Variants in SLC37A3 observed in about 807,000 individuals in gnomAD.
The protein encoded by SLC37A3 is solute carrier family 37 member 3, also known as sugar phosphate exchanger 3.
In SLC37A3, 51 loss-of-function variants were observed where a neutral mutation model predicts 67.1. The observed-to-expected ratio is 0.76, with a 90% CI of 0.61 to 0.96. The LOEUF (loss-of-function observed/expected upper bound fraction) is 0.96, where lower values mean the gene tolerates loss of function less well. Among genes scored for constraint, SLC37A3 ranks in the 40% least tolerant of loss-of-function variants. The probability of loss-of-function intolerance (pLI) is 0.00; values close to 1 mark genes in which losing one functional copy is unlikely to be tolerated. For synonymous variants in SLC37A3, 214 were observed against 231.4 expected, an observed-to-expected ratio of 0.92 and a Z score of 0.68; for missense variants, 508 against 603.0, an observed-to-expected ratio of 0.84 and a Z score of 1.65.
chr7:140,369,260 C>G (rs560020163), intron 4 of SLC37A3, among the ~76,000 whole-genome samples: 1 of 152,130 alleles, frequency 6.6e-6, no homozygotes, highest in Non-Finnish European at 1.5e-5. Context: ...TATTTTCCTC[C>G]GTTGTACTTA....
chr7:140,358,617 TAGAG>T lies in SLC37A3; in HGVS notation c.521+19_521+22del. 6.2e-7 allele frequency: 1 copy of T among 1,612,720 alleles called. No individual in the cohort carries two copies. Among genetic ancestry groups the T allele is most frequent in the Non-Finnish European group, 8.5e-7 (1 of 1,179,270 alleles). The stretch of plus-strand genomic sequence containing the variant: ...ATGGAAACCACTTAAACAGAGAAAT[TAGAG>T]AGGAAGGAAGTGGCATACCCGGCTT... On this transcript the variant is annotated intron_variant, in intron 6 of 14. Coordinates refer to ENST00000326232, the MANE Select transcript of SLC37A3 (RefSeq NM_207113.3).
rs776276524 is a variant in SLC37A3 at position 140,355,775 on chromosome 7, A to C, written c.522-11T>G. 1.9e-6 allele frequency: 3 copies of C among 1,611,510 alleles called. No individual in the cohort carries two copies. The highest frequency in any genetic ancestry group is 2.5e-6 in the Non-Finnish European group (3 of 1,177,758). Reference sequence around the variant, plus strand: ...AAAACAACTCCTCGTCTAAGATGGAAAACAGTGGGAGACAAAGGGCCATGG... The same window carrying C: ...AAAACAACTCCTCGTCTAAGATGGACAACAGTGGGAGACAAAGGGCCATGG... On this transcript the variant is annotated splice_polypyrimidine_tract_variant and intron_variant, in intron 6 of 14. Coordinates refer to ENST00000326232, the MANE Select transcript of SLC37A3 (RefSeq NM_207113.3).
intron 1 of SLC37A3, 112 bp from the exon 2 acceptor site, chr7:140,382,708 T>A: frequency 2.0e-6 from 1 of 506,570 alleles, no homozygotes. Context: ...GAAAAAAATC[T>A]TATGGCCTAG....
chr7:140,338,165 C>T (rs749480093), intron 13 of SLC37A3, among the ~76,000 whole-genome samples: 3 of 152,188 alleles, frequency 2.0e-5, no homozygotes, highest in African/African-American at 4.8e-5. Context: ...GCTGGGATTA[C>T]AGGCGTACTG....
intron 3 of SLC37A3, among the ~76,000 whole-genome samples, chr7:140,378,302 C>A (rs1033852388): frequency 2.0e-5 from 3 of 152,176 alleles, no homozygotes; most frequent in African/African-American, 7.2e-5. Flanking sequence ...TGTAAGCATC[C>A]ACCTCACACA....
At chr7:140,349,662 A>AC (rs1796715017) in intron 9 of SLC37A3, among the ~76,000 whole-genome samples, 1 of 152,084 alleles carries the variant, frequency 6.6e-6, no homozygotes, top group East Asian at 1.9e-4. Flanking sequence ...GGCAACAGCC[A>AC]CCCCCTAGAG....
At chr7:140,340,421 T>G (rs11980262) in intron 13 of SLC37A3, among the ~76,000 whole-genome samples, 9,337 of 152,120 alleles carry the variant, frequency 0.061, 539 homozygotes, top group African/African-American at 0.15. Flanking sequence ...CCTGGCACCC[T>G]TGTCAAAAAT....
At chr7:140,373,439 G>C (rs1485206116) in intron 3 of SLC37A3, among the ~76,000 whole-genome samples, 1 of 152,060 alleles carries the variant, frequency 6.6e-6, no homozygotes, top group East Asian at 1.9e-4. Context: ...AAGAACCAAA[G>C]AACAACACAA....
rs150167072 is a variant in SLC37A3 at position 140,375,388 on chromosome 7, T to C, written c.198+4894A>G. Among the ~76,000 whole-genome samples, 673 of 150,920 alleles carry C rather than the reference T, an allele frequency of 4.5e-3. 5 individuals carry two copies. Among genetic ancestry groups the C allele is most frequent in the African/African-American group, 0.016 (636 of 40,938 alleles). ...TACTCCGTAGGCTGAGACAGGAGAA[T>C]CACTTGAACCTGGGAGGCGGAGGTT... On this transcript the variant is annotated intron_variant, in intron 3 of 14. Transcript: ENST00000326232.
At chr7:140,382,280 C>T (rs1763883007) in intron 2 of SLC37A3, among the ~76,000 whole-genome samples, 158 bp downstream of exon 2, 1 of 151,990 alleles carries the variant, frequency 6.6e-6, no homozygotes, top group Non-Finnish European at 1.5e-5. Flanking sequence ...CAAAACAGCC[C>T]TCCAGAACTA....
At chr7:140,384,047 G>C (rs955807084) in intron 1 of SLC37A3, among the ~76,000 whole-genome samples, 1 of 152,022 alleles carries the variant, frequency 6.6e-6, no homozygotes, top group East Asian at 1.9e-4. Flanking sequence ...GAACAATTAC[G>C]CATAAAGTAA....
intron 2 of SLC37A3, 55 bp from the exon 3 acceptor site, chr7:140,380,445 T>C: frequency 7.7e-7 from 1 of 1,303,924 alleles, no homozygotes; most frequent in South Asian, 1.2e-5. Flanking sequence ...CAGCATTCAA[T>C]AAAATCACAG....
chr7:140,351,216 G>C (rs1796779879), intron 9 of SLC37A3, 57 bp downstream of exon 9: 2 of 1,519,714 alleles, frequency 1.3e-6, no homozygotes, highest in East Asian at 4.5e-5. Context: ...TCAGGCAGAG[G>C]AGATGTCACG....
chr7:140,386,175 G>C (rs1372337474), intron 1 of SLC37A3, among the ~76,000 whole-genome samples: 2 of 151,996 alleles, frequency 1.3e-5, no homozygotes, highest in African/African-American at 4.8e-5. Flanking sequence ...CTGCAGCCTT[G>C]ACCTCTCAGG....
At chr7:140,363,982 C>G (rs1290968451) in intron 5 of SLC37A3, among the ~76,000 whole-genome samples, 1 of 152,122 alleles carries the variant, frequency 6.6e-6, no homozygotes, top group Non-Finnish European at 1.5e-5. Flanking sequence ...TCTGGCCAGG[C>G]GCAGTGGCTC....
chr7:140,388,017 C>T (rs1488120711), intron 1 of SLC37A3, among the ~76,000 whole-genome samples: 2 of 142,900 alleles, frequency 1.4e-5, no homozygotes, highest in Non-Finnish European at 3.0e-5. Flanking sequence ...CTATAGTCAC[C>T]ATATTGTACA....
chr7:140,335,599 T>G, intron 14 of SLC37A3, 95 bp from the exon 15 acceptor site: 1 of 1,393,836 alleles, frequency 7.2e-7, no homozygotes, highest in South Asian at 1.3e-5. Flanking sequence ...ACAATTACAT[T>G]CATTTTGACT....
chr7:140,347,902 A>G (rs1745478086), intron 10 of SLC37A3, among the ~76,000 whole-genome samples: 1 of 152,212 alleles, frequency 6.6e-6, no homozygotes, highest in Non-Finnish European at 1.5e-5. Context: ...TATCCTCAGC[A>G]GATATGTTCC....
chr7:140,352,142 G>A lies in SLC37A3; in HGVS notation c.623C>T (p.Ala208Val), dbSNP rs1796835711. 5 of 1,605,852 alleles carry A rather than the reference G, an allele frequency of 3.1e-6. No individual in the cohort carries two copies. In the East Asian group the frequency reaches 1.1e-4, roughly 36 times the overall value. ...CTGCACAGACGCCGTCACCAGAAAG[G>A]CATACTGGAGGAGAGGGGTGAAAGG... ...SSVLQYGYEY[A>V]FLVTASVQFA... Residue 208 changes from alanine (A) to valine (V), a missense_variant, in exon 8 of 15, where the codon GCC (alanine) becomes GTC (valine). Physicochemically the swap from Ala to Val is moderately conservative, Grantham distance 64. Transcript: ENST00000326232.
Sources: allele counts gnomAD v4.1 joint callset (sites outside exome capture counted in the v4.1 genomes callset), GRCh38; gene constraint gnomAD v4.1.1; transcripts MANE v1.5; gene names NCBI Gene and HGNC (gene_info 2026-07-23, HGNC 2026-07-21).